The following ROBO2 variants were observed in gnomAD, a reference collection of about 807,000 sequenced individuals.
ROBO2 encodes the protein roundabout guidance receptor 2.
In ROBO2, 53 loss-of-function variants were observed where a neutral mutation model predicts 160.8. The observed-to-expected ratio is 0.33, with a 90% CI of 0.26 to 0.41. The LOEUF is 0.41. ROBO2 is among the 10% of genes least tolerant of loss of function. The pLI is 1.00. For missense variants in ROBO2, 1,577 were observed against 1,722.4 expected, an observed-to-expected ratio of 0.92 and a Z score of 1.49; for synonymous variants, 664 against 611.7, an observed-to-expected ratio of 1.09 and a Z score of -1.26.
At chr3:77,263,170 C>G (rs1470632533) in intron 2 of ROBO2, among the ~76,000 whole-genome samples, 4 of 152,034 alleles carry the variant, frequency 2.6e-5, no homozygotes, top group African/African-American at 9.7e-5. Flanking sequence ...AGAAAAAAAG[C>G]CACATTTCAA....
intron 6 of ROBO2, among the ~76,000 whole-genome samples, chr3:77,540,576 G>A (rs1315362925): frequency 2.0e-5 from 3 of 151,984 alleles, no homozygotes; most frequent in African/African-American, 7.3e-5. Context: ...CGGGGGCAGT[G>A]GGGGCGCGCA....
Position 76,315,349 on chromosome 3 carries a change from C to T in ROBO2, c.109+377747C>T, listed in dbSNP as rs190303601. 2.0e-5 allele frequency among the ~76,000 whole-genome samples: 3 copies of T among 152,260 alleles called. No individual in the cohort carries two copies. The East Asian group carries it at 5.8e-4, about 29-fold the overall frequency. ...TTTTTCTGTAATAAATTACAGCAGC[C>T]AGTTATCTAATATATATCTTTGCTA... On this transcript the variant is annotated intron_variant, in intron 2 of 26. Transcript: ENST00000487694.
chr3:77,050,206 C>T (rs1457167116), intron 1 of ROBO2, among the ~76,000 whole-genome samples: 4 of 152,098 alleles, frequency 2.6e-5, no homozygotes, highest in South Asian at 2.1e-4. Flanking sequence ...AATTTTAATA[C>T]GTTGCCAGAT....
chr3:77,623,047 A>T (rs527844648), intron 23 of ROBO2, among the ~76,000 whole-genome samples: 1 of 152,186 alleles, frequency 6.6e-6, no homozygotes, highest in Non-Finnish European at 1.5e-5. Flanking sequence ...CAAACGAAAG[A>T]GTTGCATTGG....
At chr3:76,757,724 A>G (rs1330760748) in intron 2 of ROBO2, among the ~76,000 whole-genome samples, 2 of 151,824 alleles carry the variant, frequency 1.3e-5, no homozygotes, top group African/African-American at 4.8e-5. Context: ...AATAACTGAT[A>G]ATGTCATAAT....
intron 2 of ROBO2, among the ~76,000 whole-genome samples, chr3:75,984,100 C>A (rs1055632819): frequency 6.6e-6 from 1 of 151,396 alleles, no homozygotes; most frequent in Admixed American, 6.6e-5. Flanking sequence ...TTGGAACACT[C>A]CCACATTTTC....
At chr3:76,256,840 C>T (rs1328244041) in intron 2 of ROBO2, among the ~76,000 whole-genome samples, 1 of 152,038 alleles carries the variant, frequency 6.6e-6, no homozygotes, top group African/African-American at 2.4e-5. Context: ...TGCTCAGCTT[C>T]TAGAAAGACC....
chr3:76,372,701 T>A (rs1434466933), intron 2 of ROBO2, among the ~76,000 whole-genome samples: 1 of 151,792 alleles, frequency 6.6e-6, no homozygotes, highest in Admixed American at 6.6e-5. Flanking sequence ...GTCATGGGAG[T>A]GGGATGAGAC....
chr3:76,777,367 A>T (rs1287521028), intron 2 of ROBO2, among the ~76,000 whole-genome samples: 2 of 150,952 alleles, frequency 1.3e-5, no homozygotes, highest in African/African-American at 4.8e-5. Context: ...TGCTACCAGG[A>T]TGACTGGTAG....
intron 2 of ROBO2, among the ~76,000 whole-genome samples, chr3:76,132,957 G>A (rs1338273958): frequency 6.6e-6 from 1 of 152,046 alleles, no homozygotes; most frequent in Non-Finnish European, 1.5e-5. Flanking sequence ...GGACTGTCTT[G>A]GCCTCTGTTC....
intron 2 of ROBO2, among the ~76,000 whole-genome samples, chr3:77,373,247 G>T (rs1239643567): frequency 6.7e-6 from 1 of 149,052 alleles, no homozygotes; most frequent in South Asian, 2.1e-4. Flanking sequence ...AAGACATGTG[G>T]AAGTATTAGA....
At chr3:77,645,080 G>A (rs2153725035) in intron 25 of ROBO2, among the ~76,000 whole-genome samples, 176 bp downstream of exon 27, 1 of 152,308 alleles carries the variant, frequency 6.6e-6, no homozygotes, top group Non-Finnish European at 1.5e-5. Context: ...ATTTATTGAA[G>A]TCCATTTTTA....
At chr3:76,595,088 CAGAA>C (rs2086657037) in intron 2 of ROBO2, among the ~76,000 whole-genome samples, 1 of 151,822 alleles carries the variant, frequency 6.6e-6, no homozygotes, top group Non-Finnish European at 1.5e-5. Context: ...TTTTGCAAAC[CAGAA>C]AGAGTGTCCA....
chr3:77,001,900 T>A (rs2149422016), intron 2 of ROBO2, among the ~76,000 whole-genome samples: 1 of 152,306 alleles, frequency 6.6e-6, no homozygotes, highest in South Asian at 2.1e-4. Flanking sequence ...TATCTTCTTT[T>A]ATGTGTTTCC....
At chr3:77,477,381 GA>G in intron 2 of ROBO2, 32 bp from the exon 3 acceptor site, 1 of 1,607,894 alleles carries the variant, frequency 6.2e-7, no homozygotes, top group African/African-American at 1.3e-5. Flanking sequence ...TACTGTCGTT[GA>G]GTTTTCTTTT....
intron 2 of ROBO2, among the ~76,000 whole-genome samples, chr3:76,251,509 T>G (rs903276223): frequency 2.0e-5 from 3 of 152,094 alleles, no homozygotes; most frequent in African/African-American, 7.2e-5. Context: ...GGTAAAATGG[T>G]CAATTTCTGT....
At chr3:76,331,197 T>A (rs1231386792) in intron 2 of ROBO2, among the ~76,000 whole-genome samples, 1 of 152,160 alleles carries the variant, frequency 6.6e-6, no homozygotes, top group African/African-American at 2.4e-5. Flanking sequence ...TAGAATGTAG[T>A]TTTGTAACTT....
At chr3:77,286,106 T>C (rs1560429175) in intron 2 of ROBO2, among the ~76,000 whole-genome samples, 1 of 152,282 alleles carries the variant, frequency 6.6e-6, no homozygotes, top group Non-Finnish European at 1.5e-5. Context: ...TAGCAGTGTG[T>C]TTTACAAAAA....
At chr3:76,634,434 G>A (rs1467904886) in intron 2 of ROBO2, among the ~76,000 whole-genome samples, 1 of 152,122 alleles carries the variant, frequency 6.6e-6, no homozygotes, top group African/African-American at 2.4e-5. Flanking sequence ...CAGGTGTGGT[G>A]GCGTGTACCT....
Sources: allele counts gnomAD v4.1 joint callset (sites outside exome capture counted in the v4.1 genomes callset), GRCh38; gene constraint gnomAD v4.1.1; transcripts MANE v1.5; gene names NCBI Gene and HGNC (gene_info 2026-07-23, HGNC 2026-07-21).